MAPK10: variants seen among roughly 807,000 people sequenced by gnomAD.
MAPK10 encodes JNK3 alpha protein kinase.
Under a neutral mutation model 59.3 loss-of-function variants are expected in MAPK10, and 25 were observed. That is an observed-to-expected ratio of 0.42 (90% CI 0.31 to 0.59). The LOEUF (loss-of-function observed/expected upper bound fraction) is 0.59, where lower values mean the gene tolerates loss of function less well. Among genes scored for constraint, MAPK10 ranks in the 20% least tolerant of loss-of-function variants. The pLI is 0.15. For missense variants in MAPK10, 351 were observed against 568.9 expected, an observed-to-expected ratio of 0.62 and a Z score of 3.90; for synonymous variants, 190 against 200.5, an observed-to-expected ratio of 0.95 and a Z score of 0.44.
chr4:86,498,953 A>G (rs1755097435), intron 1 of MAPK10, among the ~76,000 whole-genome samples: 1 of 152,202 alleles, frequency 6.6e-6, no homozygotes, highest in Non-Finnish European at 1.5e-5. Context: ...GTGTCTCCAA[A>G]TTAACCTCTC....
At chr4:86,528,809 A>G (rs1757662434) in intron 1 of MAPK10, among the ~76,000 whole-genome samples, 1 of 152,190 alleles carries the variant, frequency 6.6e-6, no homozygotes, top group South Asian at 2.1e-4. Context: ...TTTTCAGTCT[A>G]ATTTGGTTAT....
intron 6 of MAPK10, 107 bp from the exon 7 acceptor site, chr4:86,102,139 C>T (rs1442591572): frequency 2.0e-6 from 2 of 988,496 alleles, no homozygotes; most frequent in African/African-American, 3.2e-5. Context: ...AACTTCTTAG[C>T]TCTGCCTTTG....
intron 4 of MAPK10, among the ~76,000 whole-genome samples, chr4:86,122,470 T>C (rs2059420992): frequency 6.6e-6 from 1 of 152,140 alleles, no homozygotes; most frequent in South Asian, 2.1e-4. Context: ...CAGGATCATA[T>C]TGGTAAAGCC....
chr4:86,224,703 T>C (rs2090308171), intron 2 of MAPK10, among the ~76,000 whole-genome samples: 1 of 152,204 alleles, frequency 6.6e-6, no homozygotes, highest in Admixed American at 6.5e-5. Context: ...ACCTTCCCTT[T>C]CTTTGCTCCC....
intron 4 of MAPK10, among the ~76,000 whole-genome samples, chr4:86,144,835 G>T: frequency 6.6e-6 from 1 of 152,088 alleles, no homozygotes; most frequent in East Asian, 1.9e-4. Context: ...CTCCATGTTT[G>T]CTTTCAGGAC....
chr4:86,243,003 GCA>G (rs747717748), intron 2 of MAPK10, among the ~76,000 whole-genome samples: 5 of 152,222 alleles, frequency 3.3e-5, no homozygotes, highest in African/African-American at 4.8e-5. Flanking sequence ...CGTGGGAAAA[GCA>G]CAGTTTTCCC....
chr4:86,393,543 A>G (rs965527130), intron 1 of MAPK10, among the ~76,000 whole-genome samples: 2 of 152,232 alleles, frequency 1.3e-5, no homozygotes, highest in African/African-American at 4.8e-5. Context: ...GACAAACTGA[A>G]TATTTTACAT....
intron 9 of MAPK10, chr4:86,089,187 T>C: frequency 6.3e-7 from 1 of 1,597,820 alleles, no homozygotes; most frequent in Non-Finnish European, 8.6e-7. Flanking sequence ...TAGATACCAC[T>C]GGCTGCTAAG....
At chr4:86,572,412 T>C (rs1478424447) in intron 1 of MAPK10, among the ~76,000 whole-genome samples, 3 of 152,192 alleles carry the variant, frequency 2.0e-5, no homozygotes, top group African/African-American at 7.2e-5. Flanking sequence ...TTACTCAGAC[T>C]TAGCTGTAAC....
intron 1 of MAPK10, among the ~76,000 whole-genome samples, chr4:86,374,108 G>A (rs1564752849): frequency 6.6e-6 from 1 of 152,240 alleles, no homozygotes; most frequent in Non-Finnish European, 1.5e-5. Context: ...TCCTTTGCAG[G>A]GACATGGATG....
At chr4:86,397,515 T>A (rs1743100398) in intron 1 of MAPK10, among the ~76,000 whole-genome samples, 1 of 152,054 alleles carries the variant, frequency 6.6e-6, no homozygotes, top group African/African-American at 2.4e-5. Context: ...TTTCCAAACA[T>A]CTTTGAAGAA....
At chr4:86,540,999 T>A (rs1758645292) in intron 1 of MAPK10, among the ~76,000 whole-genome samples, 1 of 152,130 alleles carries the variant, frequency 6.6e-6, no homozygotes, top group Non-Finnish European at 1.5e-5. Flanking sequence ...GGAGCCACTT[T>A]CAGAATGCCC....
At chr4:86,096,963 C>A (rs1275168973) in intron 9 of MAPK10, among the ~76,000 whole-genome samples, 1 of 151,720 alleles carries the variant, frequency 6.6e-6, no homozygotes, top group African/African-American at 2.4e-5. Context: ...TCTTCTAGAC[C>A]AGCACTGTCC....
At chr4:86,201,570 T>C (rs1009765079) in intron 2 of MAPK10, among the ~76,000 whole-genome samples, 1 of 151,916 alleles carries the variant, frequency 6.6e-6, no homozygotes, top group Non-Finnish European at 1.5e-5. Flanking sequence ...ATTATAGAAA[T>C]GCTTTATCTA....
chr4:86,230,231 G>A (rs1393983212), intron 2 of MAPK10, among the ~76,000 whole-genome samples: 1 of 152,058 alleles, frequency 6.6e-6, no homozygotes, highest in Non-Finnish European at 1.5e-5. Flanking sequence ...ATTTCTCATT[G>A]AGTACTGTGT....
At chr4:86,472,978 C>T (rs995412215) in intron 1 of MAPK10, among the ~76,000 whole-genome samples, 4 of 152,146 alleles carry the variant, frequency 2.6e-5, no homozygotes, top group Admixed American at 6.5e-5. Flanking sequence ...CTTTCATTTT[C>T]AATAGAACCT....
intron 2 of MAPK10, among the ~76,000 whole-genome samples, chr4:86,339,791 C>A (rs1463336144): frequency 6.6e-6 from 1 of 152,132 alleles, no homozygotes; most frequent in African/African-American, 2.4e-5. Context: ...AAAATAAGTT[C>A]TCCATAAGTA....
chr4:86,175,931 C>T (rs2075591174), intron 3 of MAPK10: 1 of 152,106 alleles, frequency 6.6e-6, no homozygotes, highest in African/African-American at 2.4e-5. Flanking sequence ...TTGTAGCTGA[C>T]TTGACCTTTA....
chr4:86,346,358 A>G (rs1480603890), intron 2 of MAPK10, among the ~76,000 whole-genome samples: 1 of 152,082 alleles, frequency 6.6e-6, no homozygotes, highest in Non-Finnish European at 1.5e-5. Context: ...TACTTTGTCA[A>G]CTCTGCATTA....
Sources: allele counts gnomAD v4.1 joint callset (sites outside exome capture counted in the v4.1 genomes callset), GRCh38; gene constraint gnomAD v4.1.1; transcripts MANE v1.5; gene names NCBI Gene and HGNC (gene_info 2026-07-23, HGNC 2026-07-21).